The following CEMIP variants were observed in gnomAD, a reference collection of about 807,000 sequenced individuals.
CEMIP encodes cell migration inducing hyaluronidase 1.
Under a neutral mutation model 156.9 loss-of-function variants are expected in CEMIP, and 105 were observed. That is an observed-to-expected ratio of 0.67 (90% CI 0.57 to 0.79). The LOEUF is 0.79. CEMIP is among the 30% of genes least tolerant of loss of function. The probability of loss-of-function intolerance (pLI) is 0.00; values close to 1 mark genes in which losing one functional copy is unlikely to be tolerated. For missense variants in CEMIP, 1,457 were observed against 1,769.4 expected (o/e 0.82, Z 3.17); for synonymous variants, 676 against 668.4 (o/e 1.01, Z -0.17).
chr15:80,931,547 A>G (rs375297926), intron 21 of CEMIP, among the ~76,000 whole-genome samples: 33 of 152,098 alleles, frequency 2.2e-4, no homozygotes, highest in African/African-American at 7.2e-4. Flanking sequence ...CCAAACTCCA[A>G]ACTAGCAACT....
At chr15:80,900,658 G>C (rs905951684) in intron 12 of CEMIP, among the ~76,000 whole-genome samples, 184 of 139,574 alleles carry the variant, frequency 1.3e-3, no homozygotes, top group African/African-American at 3.9e-3. Context: ...GTCTGTGTGT[G>C]TGTCTGTGTG....
At chr15:80,874,079 T>C in intron 3 of CEMIP, 106 bp downstream of exon 3, 1 of 1,048,612 alleles carries the variant, frequency 9.5e-7, no homozygotes, top group Non-Finnish European at 1.4e-6. Flanking sequence ...GCCGTGGGAG[T>C]GGGTCAGGGT....
At chr15:80,929,206 G>C (rs764089244) in intron 21 of CEMIP, 32 bp downstream of exon 21, 12 of 1,613,842 alleles carry the variant, frequency 7.4e-6, no homozygotes, top group Admixed American at 3.3e-5. Flanking sequence ...TCCTTATTCT[G>C]AGTGGCTTAA....
At chr15:80,797,411 C>A (rs1264540479) in intron 1 of CEMIP, among the ~76,000 whole-genome samples, 1 of 152,140 alleles carries the variant, frequency 6.6e-6, no homozygotes, top group Non-Finnish European at 1.5e-5. Flanking sequence ...CAGAGGCGTG[C>A]AGGGTCCAGC....
chr15:80,843,773 C>A (rs1248753923), intron 1 of CEMIP, among the ~76,000 whole-genome samples: 1 of 152,200 alleles, frequency 6.6e-6, no homozygotes, highest in African/African-American at 2.4e-5. Context: ...CATGAAGGGG[C>A]TCTTCCTCTG....
At chr15:80,899,259 T>C (rs1899365490) in intron 12 of CEMIP, among the ~76,000 whole-genome samples, 2 of 150,556 alleles carry the variant, frequency 1.3e-5, no homozygotes, top group South Asian at 4.2e-4. Flanking sequence ...ACACATACAA[T>C]GTGCCAGGCA....
intron 16 of CEMIP, 129 bp downstream of exon 16, chr15:80,921,230 G>A: frequency 5.5e-6 from 5 of 902,592 alleles, no homozygotes; most frequent in Non-Finnish European, 8.8e-6. Context: ...GACGGGCTTA[G>A]CTGTGGTGAA....
At chr15:80,840,613 G>C (rs1105039) in intron 1 of CEMIP, among the ~76,000 whole-genome samples, 95,490 of 152,070 alleles carry the variant, frequency 0.63, 30,087 homozygotes, top group Non-Finnish European at 0.64. Flanking sequence ...GGCCCGTGCA[G>C]GGGGAAACTG....
intron 1 of CEMIP, among the ~76,000 whole-genome samples, chr15:80,804,337 G>A (rs576172084): frequency 1.3e-5 from 2 of 152,330 alleles, no homozygotes; most frequent in South Asian, 4.1e-4. Flanking sequence ...AAATAATATG[G>A]CTGCATAGTC....
intron 1 of CEMIP, among the ~76,000 whole-genome samples, chr15:80,862,023 G>T (rs555431540): frequency 6.6e-6 from 1 of 152,330 alleles, no homozygotes; most frequent in African/African-American, 2.4e-5. Context: ...GAATAAAAAG[G>T]CTCATGGTGG....
chr15:80,919,393 G>T (rs146843144), intron 14 of CEMIP, among the ~76,000 whole-genome samples: 4 of 152,146 alleles, frequency 2.6e-5, no homozygotes, highest in African/African-American at 9.7e-5. Flanking sequence ...CCATCAGGGT[G>T]GGTGCACGTG....
intron 7 of CEMIP, among the ~76,000 whole-genome samples, chr15:80,885,389 C>T (rs565439651): frequency 3.3e-5 from 5 of 152,140 alleles, no homozygotes; most frequent in African/African-American, 7.2e-5. Context: ...TTCTTCTGGA[C>T]GGGAAACTCA....
At chr15:80,921,939 G>C (rs199860727) in intron 16 of CEMIP, 70 bp from the exon 17 acceptor site, 4 of 1,608,546 alleles carry the variant, frequency 2.5e-6, no homozygotes, top group African/African-American at 2.7e-5. Flanking sequence ...CGTGGGCCGC[G>C]TGGCCACCTT....
chr15:80,936,675 T>TGTACATTCAAGCCTAC lies in CEMIP; in HGVS notation c.3012_3027dup (p.Lys1010ValfsTer9), dbSNP rs768898914. Reference sequence around the variant, plus strand: ...TGTTTCCTTTTTGGGTTTTAAAAGATGTACATTCAAGCCTACAAGACCAGT... The same window carrying TGTACATTCAAGCCTAC: ...TGTTTCCTTTTTGGGTTTTAAAAGATGTACATTCAAGCCTACGTACATTCAAGCCTACAAGACCAGT... On this transcript the variant is annotated frameshift_variant and splice_region_variant, in exon 24 of 30. Transcript: ENST00000394685. LOFTEE classifies it high-confidence loss of function. 8.7e-6 allele frequency: 14 copies of TGTACATTCAAGCCTAC among 1,613,262 alleles called. No homozygotes were observed. The highest frequency in any genetic ancestry group is 3.4e-6 in the Non-Finnish European group (4 of 1,179,496).
chr15:80,947,107 A>G (rs1469366313), intron 29 of CEMIP, 42 bp downstream of exon 29: 3 of 1,323,838 alleles, frequency 2.3e-6, no homozygotes, highest in Non-Finnish European at 3.3e-6. Flanking sequence ...CCAAAACCAG[A>G]GAAGGCAAAT....
chr15:80,784,362 A>C (rs1285761236), intron 1 of CEMIP, among the ~76,000 whole-genome samples: 1 of 152,106 alleles, frequency 6.6e-6, no homozygotes, highest in African/African-American at 2.4e-5. Context: ...TTTAGACATC[A>C]CACGGAGGAG....
chr15:80,874,876 C>T (rs1256992454), intron 3 of CEMIP, among the ~76,000 whole-genome samples: 1 of 152,004 alleles, frequency 6.6e-6, no homozygotes, highest in Non-Finnish European at 1.5e-5. Context: ...TGATGCTTTT[C>T]TATAAGAATA....
In CEMIP at chr15:80,943,014, C is replaced by T. The variant is rs770758722; in HGVS notation, c.3769C>T (p.Arg1257Cys). The change falls in exon 28 of 30, where the codon CGC (arginine) becomes TGC (cysteine). Residue 1257 changes from arginine to cysteine, a missense_variant. Around this residue, in one of 5 missense-constraint regions of CEMIP, gnomAD observed 798 missense variants for 980.1 expected, o/e 0.81. Coordinates refer to ENST00000394685, the MANE Select transcript of CEMIP (RefSeq NM_001293298.2). ...QVVVIDGNQG[R>C]VVSHTSFRNS... ...GGTGGTGATTGACGGGAACCAAGGG[C>T]GCGTGGTGAGCCACACGAGCTTCAG... The T allele has an allele frequency of 1.2e-5, 19 of 1,614,158 alleles. No individual in the cohort carries two copies. The highest frequency in any genetic ancestry group is 3.3e-5 in the South Asian group (3 of 91,084).
rs1901733304 is a variant in CEMIP, at chr15:80,949,666, A to T, written c.*742A>T. The T allele has an allele frequency of 1.9e-5, 3 of 156,532 alleles. No homozygotes were observed. The highest frequency in any genetic ancestry group is 7.2e-5 in the African/African-American group (3 of 41,460). The allele number at this position is 156,532 out of a possible 1,614,324, so 9.7% of individuals were successfully genotyped here. A position where few individuals can be genotyped will look rare whatever the true frequency, so the allele number is the denominator to read the frequency against. On this transcript the variant is annotated 3_prime_UTR_variant, in exon 30 of 30. Coordinates refer to ENST00000394685, the MANE Select transcript of CEMIP (RefSeq NM_001293298.2). ...GTGCCCCAGCGCACACGGGATGGAG[A>T]GGTGAGAACTAATGCCTAGCTTGAG... is the stretch of plus-strand genomic sequence containing the variant.
Sources: allele counts gnomAD v4.1 joint callset (sites outside exome capture counted in the v4.1 genomes callset), GRCh38; gene constraint gnomAD v4.1.1; regional missense constraint gnomAD v4.1.1; transcripts MANE v1.5; gene names NCBI Gene and HGNC (gene_info 2026-07-23, HGNC 2026-07-21).